The following CPNE8 variants were observed in gnomAD, a reference collection of about 807,000 sequenced individuals.
CPNE8 encodes copine-8.
In CPNE8, 45 loss-of-function variants were observed where a neutral mutation model predicts 81.5. The observed-to-expected ratio is 0.55, with a 90% confidence interval of 0.44 to 0.71. The LOEUF is 0.71. CPNE8 is among the 30% of genes least tolerant of loss of function. The pLI is 0.00. For missense variants in CPNE8, 594 were observed against 672.1 expected, an observed-to-expected ratio of 0.88 and a Z score of 1.28; for synonymous variants, 252 against 226.3, an observed-to-expected ratio of 1.11 and a Z score of -1.02.
intron 5 of CPNE8, among the ~76,000 whole-genome samples, chr12:38,836,732 A>G (rs1004872755): frequency 2.6e-5 from 4 of 152,178 alleles, no homozygotes; most frequent in Non-Finnish European, 4.4e-5. Flanking sequence ...AATGAATCAT[A>G]TCCTCAGGGA....
intron 4 of CPNE8, among the ~76,000 whole-genome samples, chr12:38,843,923 T>G (rs1386177595): frequency 6.6e-6 from 1 of 151,966 alleles, no homozygotes; most frequent in Non-Finnish European, 1.5e-5. Flanking sequence ...GGTTTTAAAA[T>G]AAAAAGTACC....
intron 19 of CPNE8, among the ~76,000 whole-genome samples, chr12:38,654,907 T>C (rs1565555726): frequency 6.6e-6 from 1 of 152,182 alleles, no homozygotes; most frequent in East Asian, 1.9e-4. Context: ...TTTTAATTCT[T>C]TCTAAGACAA....
intron 10 of CPNE8, among the ~76,000 whole-genome samples, chr12:38,740,249 G>A (rs1185886199): frequency 1.3e-5 from 2 of 152,140 alleles, no homozygotes; most frequent in Non-Finnish European, 2.9e-5. Flanking sequence ...CATTGATTTT[G>A]AATCCTGAGA....
At chr12:38,713,340 T>C (rs993022690) in intron 13 of CPNE8, among the ~76,000 whole-genome samples, 1 of 152,194 alleles carries the variant, frequency 6.6e-6, no homozygotes, top group African/African-American at 2.4e-5. Context: ...CTGTTTGTGC[T>C]TCTAATCTTG....
At chr12:38,806,553 C>A (rs917337075) in intron 6 of CPNE8, among the ~76,000 whole-genome samples, 2 of 149,916 alleles carry the variant, frequency 1.3e-5, no homozygotes, top group South Asian at 2.2e-4. Flanking sequence ...AATTCAACAA[C>A]CCTTCATGCT....
chr12:38,900,677 G>C (rs1476991253), intron 1 of CPNE8, among the ~76,000 whole-genome samples: 2 of 152,186 alleles, frequency 1.3e-5, no homozygotes, highest in East Asian at 1.9e-4. Flanking sequence ...GGTTGTCTAG[G>C]ATGAACGCTC....
chr12:38,846,315 A>T (rs1943559558), intron 4 of CPNE8, among the ~76,000 whole-genome samples: 1 of 152,224 alleles, frequency 6.6e-6, no homozygotes, highest in African/African-American at 2.4e-5. Flanking sequence ...AATTCAGGGC[A>T]TATACATGCA....
intron 6 of CPNE8, 91 bp from the exon 7 acceptor site, chr12:38,776,392 T>C: frequency 8.3e-6 from 3 of 363,086 alleles, no homozygotes; most frequent in Non-Finnish European, 1.4e-5. Context: ...TTTTATGTAC[T>C]CTAATAAAGA....
chr12:38,712,524 T>G (rs1940285786), intron 13 of CPNE8, among the ~76,000 whole-genome samples: 1 of 152,188 alleles, frequency 6.6e-6, no homozygotes, highest in African/African-American at 2.4e-5. Flanking sequence ...GCCACCAATT[T>G]TATAAAACTA....
chr12:38,837,143 A>C (rs553298215), intron 5 of CPNE8, among the ~76,000 whole-genome samples: 1 of 152,276 alleles, frequency 6.6e-6, no homozygotes, highest in African/African-American at 2.4e-5. Flanking sequence ...ATCTGAACTA[A>C]GGCAATAACA....
At chr12:38,868,251 A>G (rs774036331) in intron 3 of CPNE8, among the ~76,000 whole-genome samples, 1 of 152,112 alleles carries the variant, frequency 6.6e-6, no homozygotes, top group Non-Finnish European at 1.5e-5. Context: ...AGGTAGAAAC[A>G]CTATTTATTT....
At chr12:38,773,563 T>C (rs990096445) in intron 7 of CPNE8, among the ~76,000 whole-genome samples, 6 of 152,054 alleles carry the variant, frequency 3.9e-5, no homozygotes, top group Non-Finnish European at 5.9e-5. Flanking sequence ...CTCGGCTAAA[T>C]AGTGAAAAAG....
intron 6 of CPNE8, among the ~76,000 whole-genome samples, chr12:38,799,222 C>A (rs888094772): frequency 6.6e-6 from 1 of 152,116 alleles, no homozygotes; most frequent in African/African-American, 2.4e-5. Flanking sequence ...ACAGAACTCT[C>A]CACCCTAAAT....
chr12:38,809,290 A>G (rs918219015), intron 6 of CPNE8, among the ~76,000 whole-genome samples: 2 of 152,164 alleles, frequency 1.3e-5, no homozygotes, highest in African/African-American at 4.8e-5. Flanking sequence ...ACATAATTTA[A>G]TTCCTTCTCA....
intron 1 of CPNE8, among the ~76,000 whole-genome samples, chr12:38,902,240 AG>A (rs1260738259): frequency 3.0e-5 from 3 of 101,110 alleles, no homozygotes; most frequent in Non-Finnish European, 5.5e-5. Flanking sequence ...AAGGAAAGAA[AG>A]AAAGAAAGAA....
intron 6 of CPNE8, among the ~76,000 whole-genome samples, chr12:38,785,933 G>A (rs1168266139): frequency 6.6e-6 from 1 of 151,108 alleles, no homozygotes; most frequent in Non-Finnish European, 1.5e-5. Flanking sequence ...ACAAAGAAAA[G>A]CAAAACACTA....
intron 13 of CPNE8, among the ~76,000 whole-genome samples, chr12:38,704,125 G>C (rs975308467): frequency 2.6e-5 from 4 of 152,156 alleles, no homozygotes; most frequent in African/African-American, 4.8e-5. Flanking sequence ...AGGGTGGCTT[G>C]AGGGCTGAAA....
At chr12:38,856,197 G>C (rs1943731262) in intron 3 of CPNE8, among the ~76,000 whole-genome samples, 1 of 152,026 alleles carries the variant, frequency 6.6e-6, no homozygotes, top group African/African-American at 2.4e-5. Context: ...GATTGAAGCA[G>C]TAATCAACAA....
rs1941718254 is a variant in CPNE8 at position 38,767,686 on chromosome 12, A to G, written c.524T>C (p.Phe175Ser). ...CANKLDKKDF[F>S]GKSDPFLVFY... ...TACAAGGAAAGGATCTGATTTTCCA[A>G]AGAAGTCCTTCTTGTCCAATTTGTT... The change falls in exon 8 of 20, where the codon TTT (phenylalanine) becomes TCT (serine). Residue 175 changes from phenylalanine to serine, a missense_variant. Phe to Ser is a radical substitution (Grantham distance 155). Transcript: ENST00000331366. 1 of 1,564,104 alleles carries G rather than the reference A, an allele frequency of 6.4e-7. No homozygotes were observed. Among genetic ancestry groups the G allele is most frequent in the Non-Finnish European group, 8.6e-7 (1 of 1,162,072 alleles).
Sources: allele counts gnomAD v4.1 joint callset (sites outside exome capture counted in the v4.1 genomes callset), GRCh38; gene constraint gnomAD v4.1.1; transcripts MANE v1.5; gene names NCBI Gene and HGNC (gene_info 2026-07-23, HGNC 2026-07-21).